Variants in TM2D1 observed in about 807,000 individuals in gnomAD.
TM2D1 encodes the protein TM2 domain-containing protein 1.
TM2D1 carries 15 observed loss-of-function variants against 28.4 expected under a neutral mutation model. The observed-to-expected ratio is 0.53, with a 90% confidence interval of 0.35 to 0.81. The LOEUF is 0.81. Ranked by LOEUF, TM2D1 falls within the 40% of genes least tolerant of loss-of-function variation. The probability of loss-of-function intolerance (pLI) is 0.01; values close to 1 mark genes in which losing one functional copy is unlikely to be tolerated. For synonymous variants in TM2D1, 93 were observed against 96.2 expected (o/e 0.97, Z 0.20); for missense variants, 236 against 254.9 (o/e 0.93, Z 0.50).
chr1:61,696,707 CT>C (rs1644365573), intron 4 of TM2D1, among the ~76,000 whole-genome samples: 2 of 152,120 alleles, frequency 1.3e-5, no homozygotes, highest in Non-Finnish European at 2.9e-5. Flanking sequence ...TAGACCACTT[CT>C]TTAGAGAAGT....
intron 3 of TM2D1, among the ~76,000 whole-genome samples, chr1:61,708,824 A>G (rs571504736): frequency 6.6e-6 from 1 of 151,474 alleles, no homozygotes; most frequent in African/African-American, 2.4e-5. Flanking sequence ...ATACTGGACT[A>G]CTCAGCTCTA....
At chr1:61,703,013 T>G (rs910926807) in intron 3 of TM2D1, among the ~76,000 whole-genome samples, 5 of 151,154 alleles carry the variant, frequency 3.3e-5, no homozygotes, top group African/African-American at 9.7e-5. Flanking sequence ...GGCTGAGGCA[T>G]GAGAATCGCT....
intron 2 of TM2D1, among the ~76,000 whole-genome samples, chr1:61,715,963 A>G (rs12748500): frequency 1.3e-5 from 2 of 150,552 alleles, no homozygotes; most frequent in African/African-American, 4.9e-5. Flanking sequence ...CACCATGCCC[A>G]GCTAATTTTT....
At position 61,725,070 on chromosome 1, in the gene TM2D1, G is replaced by C. The variant is rs1644595975; in HGVS notation, c.51C>G (p.Ala17=). 3 of 1,613,780 alleles carry C rather than the reference G, an allele frequency of 1.9e-6. No homozygotes were observed. The highest frequency in any genetic ancestry group is 1.3e-5 in the African/African-American group (1 of 74,962). ...CGAACCACAGGACACCAACGAGTCT[G>C]GCCGTCACGGCCTCCGGAGCAGACG... The part of the protein sequence containing the change: ...SGPSAPEAVT[A]RLVGVLWFVS... Residue 17 remains alanine (A), a synonymous_variant, in exon 1 of 7, where the codon GCC becomes GCG. Transcript: ENST00000606498.
At chr1:61,704,215 T>G (rs543156785) in intron 3 of TM2D1, among the ~76,000 whole-genome samples, 3 of 151,864 alleles carry the variant, frequency 2.0e-5, no homozygotes, top group African/African-American at 4.8e-5. Flanking sequence ...GGTCTAAAAC[T>G]GAATAGAATA....
At position 61,725,080 on chromosome 1, in the gene TM2D1, G is replaced by A. The variant is rs747743577; in HGVS notation, c.41C>T (p.Ala14Val). 1.2e-6 allele frequency: 2 copies of A among 1,613,880 alleles called. No homozygotes were observed. Among genetic ancestry groups the A allele is most frequent in the Middle Eastern group, 1.6e-4 (1 of 6,062 alleles). ...GACACCAACGAGTCTGGCCGTCACG[G>A]CCTCCGGAGCAGACGGACCAGACGG... ...AWPSGPSAPE[A>V]VTARLVGVLW... Residue 14 changes from alanine to valine, a missense_variant, in exon 1 of 7, where the codon GCC becomes GTC. By Grantham distance (64) the Ala-to-Val change is moderately conservative. Around this residue, in one of 3 missense-constraint regions of TM2D1, gnomAD observed 167 missense variants for 162.7 expected, o/e 1.03. Transcript: ENST00000606498.
Position 61,713,777 on chromosome 1 carries a change from T to C in TM2D1, c.239-4340A>G, listed in dbSNP as rs77087760. ...AGACAGTTGCAATACAAGACACTTA[T>C]TATGATACCAGCTGGGGATATTTTC... On this transcript the variant is annotated intron_variant, in intron 2 of 6. Coordinates refer to ENST00000606498, the MANE Select transcript of TM2D1 (RefSeq NM_032027.3). Among the ~76,000 whole-genome samples, 497 of 152,272 alleles carry C rather than the reference T, an allele frequency of 3.3e-3. 2 individuals carry two copies. Among genetic ancestry groups the C allele is most frequent in the African/African-American group, 0.011 (471 of 41,570 alleles).
intron 2 of TM2D1, among the ~76,000 whole-genome samples, chr1:61,710,638 G>C (rs979979761): frequency 6.6e-6 from 1 of 151,282 alleles, no homozygotes; most frequent in African/African-American, 2.4e-5. Flanking sequence ...AGACTGAAAA[G>C]TACTAATACT....
At chr1:61,684,578 G>A (rs1034915048) in intron 5 of TM2D1, among the ~76,000 whole-genome samples, 2 of 152,046 alleles carry the variant, frequency 1.3e-5, no homozygotes, top group South Asian at 2.1e-4. Flanking sequence ...ACATTCTACC[G>A]TATCTGTTCC....
intron 3 of TM2D1, among the ~76,000 whole-genome samples, chr1:61,702,318 T>TTA (rs1644407978): frequency 6.6e-6 from 1 of 151,764 alleles, no homozygotes; most frequent in Admixed American, 6.6e-5. Context: ...ATTTTAGACC[T>TTA]TATATATATA....
chr1:61,693,355 A>C (rs1457424002), intron 5 of TM2D1, among the ~76,000 whole-genome samples: 2 of 152,240 alleles, frequency 1.3e-5, no homozygotes, highest in Non-Finnish European at 2.9e-5. Flanking sequence ...ATCACCAAAG[A>C]AAGAACCTAG....
At chr1:61,705,176 T>C (rs983067271) in intron 3 of TM2D1, among the ~76,000 whole-genome samples, 2 of 152,134 alleles carry the variant, frequency 1.3e-5, no homozygotes, top group Admixed American at 1.3e-4. Flanking sequence ...ACTGGTAGTA[T>C]AGCAGAGATT....
chr1:61,691,932 A>AAAAATATATATATATATAT lies in TM2D1; in HGVS notation c.513+2764_513+2765insATATATATATATATATTTT. On this transcript the variant is annotated intron_variant, in intron 5 of 6. Coordinates refer to ENST00000606498, the MANE Select transcript of TM2D1 (RefSeq NM_032027.3). ...TCTCAAAAAAAACTTAAAAAAAAAA[A>AAAAATATATATATATATAT]ATATATATATATATATATATATATA... 6.5e-3 allele frequency among the ~76,000 whole-genome samples: 493 copies of AAAAATATATATATATATAT among 76,008 alleles called. 3 individuals are homozygous for AAAAATATATATATATATAT. Among genetic ancestry groups the AAAAATATATATATATATAT allele is most frequent in the Non-Finnish European group, 0.01 (388 of 38,532 alleles). The allele number at this position is 76,008 out of a possible 152,430, so 49.9% of individuals were successfully genotyped here. A position where few individuals can be genotyped will look rare whatever the true frequency, so the allele number is the denominator to read the frequency against.
At chr1:61,686,654 G>C (rs1644287676) in intron 5 of TM2D1, 1 of 326,116 alleles carries the variant, frequency 3.1e-6, no homozygotes, top group African/African-American at 2.2e-5. Context: ...AACAGAGTGA[G>C]GCTCTATCTC....
Position 61,683,511 on chromosome 1 carries a change from T to C in TM2D1, c.549A>G (p.Ile183Met). ...TTGTAAGTCTGGTTCCATAGTAATCTATAATGTAACTACTTCCATCTGAAG... is the reference window on the plus strand; with the variant it reads ...TTGTAAGTCTGGTTCCATAGTAATCCATAATGTAACTACTTCCATCTGAAG... ...VGPSDGSSYI[I>M]DYYGTRLTRL... The change falls in exon 6 of 7, where the codon ATA (isoleucine) becomes ATG (methionine). Residue 183 changes from isoleucine to methionine, a missense_variant. Physicochemically the swap from Ile to Met is conservative, Grantham distance 10. Coordinates refer to ENST00000606498, the MANE Select transcript of TM2D1 (RefSeq NM_032027.3). 6.5e-7 allele frequency: 1 copy of C among 1,544,016 alleles called. No individual in the cohort carries two copies. The highest frequency in any genetic ancestry group is 1.7e-4 in the Middle Eastern group (1 of 5,936).
chr1:61,686,679 T>C lies in TM2D1; in HGVS notation c.514-3133A>G. The C allele has an allele frequency of 4.1e-6, 2 of 492,924 alleles. 1 individual carries two copies. Among genetic ancestry groups the C allele is most frequent in the South Asian group, 1.7e-4 (2 of 11,484 alleles). The allele number at this position is 492,924 out of a possible 1,614,324, so 30.5% of individuals were successfully genotyped here. A position where few individuals can be genotyped will look rare whatever the true frequency, so the allele number is the denominator to read the frequency against. ...GGCTCTATCTCAAAGAAAAAATAAA[T>C]AAATAATAAAACCTGTTTTAAGCAC... On this transcript the variant is annotated intron_variant, in intron 5 of 6. Transcript: ENST00000606498.
chr1:61,702,051 G>A (rs1267177109), intron 3 of TM2D1, among the ~76,000 whole-genome samples: 7 of 151,930 alleles, frequency 4.6e-5, no homozygotes, highest in South Asian at 4.2e-4. Flanking sequence ...TTAGCTGGAC[G>A]TGGTGGCAGG....
intron 2 of TM2D1, among the ~76,000 whole-genome samples, chr1:61,722,614 G>A (rs1397003679): frequency 2.0e-5 from 3 of 152,070 alleles, no homozygotes; most frequent in African/African-American, 7.2e-5. Flanking sequence ...TGATCCACCC[G>A]CCTTGGCCTC....
chr1:61,702,486 A>G, intron 3 of TM2D1, among the ~76,000 whole-genome samples: 1 of 150,816 alleles, frequency 6.6e-6, no homozygotes, highest in East Asian at 2.0e-4. Flanking sequence ...CTTCCACCTC[A>G]GCCCCCCAAG....
Sources: allele counts gnomAD v4.1 joint callset (sites outside exome capture counted in the v4.1 genomes callset), GRCh38; gene constraint gnomAD v4.1.1; regional missense constraint gnomAD v4.1.1; transcripts MANE v1.5; gene names NCBI Gene and HGNC (gene_info 2026-07-23, HGNC 2026-07-21).